Variants in PRKDC observed in about 807,000 individuals in gnomAD.
The protein encoded by PRKDC is DNA-dependent protein kinase catalytic subunit.
In PRKDC, 82 loss-of-function variants were observed where a neutral mutation model predicts 486.9. That is an observed-to-expected ratio of 0.17 (90% confidence interval 0.14 to 0.20). The LOEUF is 0.20. Among genes scored for constraint, PRKDC ranks in the 10% least tolerant of loss-of-function variants. PRKDC has a pLI of 1.00. For missense variants in PRKDC, 4,504 were observed against 5,038.2 expected (o/e 0.89, Z 3.21); for synonymous variants, 1,895 against 1,837.0 (o/e 1.03, Z -0.81).
intron 11 of PRKDC, 34 bp downstream of exon 11, chr8:47,939,517 C>A: frequency 6.3e-7 from 1 of 1,596,818 alleles, no homozygotes; most frequent in Non-Finnish European, 8.6e-7. Context: ...TCACGTGAAA[C>A]CAAGACAAAA....
chr8:47,859,481 A>G, intron 46 of PRKDC, 130 bp downstream of exon 46: 1 of 1,119,004 alleles, frequency 8.9e-7, no homozygotes. Flanking sequence ...AATTCTCCAA[A>G]TTAACTCTAT....
intron 17 of PRKDC, among the ~76,000 whole-genome samples, chr8:47,930,240 A>G (rs1204715812): frequency 1.3e-5 from 2 of 152,230 alleles, no homozygotes; most frequent in Admixed American, 6.5e-5. Context: ...AAAGATCTAT[A>G]TAATCGATTA....
intron 69 of PRKDC, among the ~76,000 whole-genome samples, chr8:47,806,113 C>T (rs1014488010): frequency 3.9e-5 from 6 of 152,330 alleles, no homozygotes; most frequent in Non-Finnish European, 7.3e-5. Context: ...CCAGACACCT[C>T]CCTGTCCAAG....
intron 4 of PRKDC, among the ~76,000 whole-genome samples, chr8:47,954,691 A>G: frequency 6.6e-6 from 1 of 152,174 alleles, no homozygotes. Context: ...ACATCAGGGG[A>G]AGAATGCTCT....
chr8:47,796,669 G>A (rs1589702044), intron 73 of PRKDC, among the ~76,000 whole-genome samples: 1 of 151,326 alleles, frequency 6.6e-6, no homozygotes, highest in Non-Finnish European at 1.5e-5. Flanking sequence ...GCGCCACCTC[G>A]GCTCACTGCA....
intron 73 of PRKDC, among the ~76,000 whole-genome samples, chr8:47,795,494 T>A (rs982772227): frequency 1.5e-4 from 22 of 150,092 alleles, no homozygotes; most frequent in Admixed American, 6.6e-4. Context: ...CGGCCTTTTT[T>A]TTTTTTTTTT....
At chr8:47,910,734 C>T (rs79680201) in intron 25 of PRKDC, among the ~76,000 whole-genome samples, 1,760 of 152,228 alleles carry the variant, frequency 0.012, 33 homozygotes, top group East Asian at 0.079. Flanking sequence ...GGGGAAACGA[C>T]GTTTTTTTCA....
chr8:47,958,658 T>C (rs2090753130), intron 1 of PRKDC, among the ~76,000 whole-genome samples: 1 of 152,176 alleles, frequency 6.6e-6, no homozygotes, highest in African/African-American at 2.4e-5. Context: ...CAATGTTAGT[T>C]TTTTGTTTGA....
At chr8:47,843,916 GAAC>G (rs1205752362) in intron 54 of PRKDC, among the ~76,000 whole-genome samples, 1 of 152,164 alleles carries the variant, frequency 6.6e-6, no homozygotes, top group African/African-American at 2.4e-5. Flanking sequence ...TGAAACAGAA[GAAC>G]AATACCTGCT....
intron 5 of PRKDC, 103 bp downstream of exon 5, chr8:47,954,235 C>T (rs1038754594): frequency 1.2e-4 from 64 of 529,270 alleles, no homozygotes; most frequent in Non-Finnish European, 1.8e-4. Flanking sequence ...AAGTATTCGA[C>T]TGTAAAATAA....
intron 68 of PRKDC, among the ~76,000 whole-genome samples, chr8:47,808,002 G>A (rs1030538588): frequency 3.3e-5 from 5 of 152,120 alleles, no homozygotes; most frequent in Non-Finnish European, 7.3e-5. Context: ...GGGATTACAG[G>A]AGTGAGCTAT....
At chr8:47,850,810 C>T (rs1411292928) in intron 52 of PRKDC, among the ~76,000 whole-genome samples, 2 of 152,096 alleles carry the variant, frequency 1.3e-5, no homozygotes, top group Non-Finnish European at 2.9e-5. Context: ...CTCTTACTGA[C>T]TTCTTTTTAT....
At chr8:47,861,267 A>G (rs560475221) in intron 44 of PRKDC, among the ~76,000 whole-genome samples, 6 of 152,256 alleles carry the variant, frequency 3.9e-5, no homozygotes, top group African/African-American at 1.4e-4. Context: ...GATAAATTCT[A>G]TTTATCTCTG....
At chr8:47,780,155 T>C (rs1171768057) in intron 80 of PRKDC, among the ~76,000 whole-genome samples, 1 of 152,124 alleles carries the variant, frequency 6.6e-6, no homozygotes, top group Admixed American at 6.5e-5. Context: ...CCTCAGGCGA[T>C]CCGCCCACCT....
chr8:47,931,496 GTT>G (rs546905091), intron 16 of PRKDC, among the ~76,000 whole-genome samples: 4 of 144,238 alleles, frequency 2.8e-5, no homozygotes, highest in African/African-American at 5.1e-5. Context: ...CTTTGGGCAA[GTT>G]TTTTTTTTTT....
chr8:47,902,749 C>A lies in PRKDC; in HGVS notation c.3089G>T (p.Gly1030Val), dbSNP rs766879330. ...PVDSTLRDFC[G>V]RCIREFLKWS... Reference sequence around the variant, plus strand: ...TTTAAGGAATTCTCGAATACACCGACCACAAAAATCTCTTAAAGTACTGTC... The same window carrying A: ...TTTAAGGAATTCTCGAATACACCGAACACAAAAATCTCTTAAAGTACTGTC... Residue 1030 changes from glycine (G) to valine (V), a missense_variant, in exon 27 of 86, where the codon GGT becomes GTT. Gly to Val is a moderately radical substitution (Grantham distance 109). This residue lies in a region of PRKDC where 1,969 missense variants were observed against 2,068.9 expected (regional missense o/e 0.95). Coordinates refer to ENST00000314191, the MANE Select transcript of PRKDC (RefSeq NM_006904.7). The A allele has an allele frequency of 3.1e-6, 5 of 1,613,430 alleles. No individual in the cohort carries two copies. In the East Asian group the frequency reaches 1.1e-4, roughly 36 times the overall value.
rs746896619 is a variant in PRKDC, at chr8:47,930,653, T to C, written c.1892+19A>G. The C allele has an allele frequency of 2.0e-6, 3 of 1,536,470 alleles. No individual in the cohort carries two copies. The highest frequency in any genetic ancestry group is 2.8e-5 in the African/African-American group (2 of 72,236). On this transcript the variant is annotated intron_variant, in intron 17 of 85. Transcript: ENST00000314191. The stretch of plus-strand genomic sequence containing the variant: ...AACAATCATTTTCATTCTTAAATAA[T>C]TAGAATTTTACCAAATACCTGCAAA...
chr8:47,909,922 T>C (rs564437314), intron 25 of PRKDC, among the ~76,000 whole-genome samples: 6 of 152,318 alleles, frequency 3.9e-5, no homozygotes, highest in African/African-American at 7.2e-5. Context: ...CAGTGGGACA[T>C]AGGCCCTCAT....
At chr8:47,869,159 T>G (rs2088887443) in intron 40 of PRKDC, among the ~76,000 whole-genome samples, 1 of 152,094 alleles carries the variant, frequency 6.6e-6, no homozygotes, top group African/African-American at 2.4e-5. Context: ...ACAAGTGGAC[T>G]TGGGGGGCAC....
Sources: gnomAD v4.1 joint callset for allele counts (sites outside exome capture counted in the v4.1 genomes callset) on GRCh38, gnomAD v4.1.1 for gene constraint, gnomAD v4.1.1 regional missense constraint, MANE v1.5 for transcripts, NCBI Gene and HGNC (gene_info 2026-07-23, HGNC 2026-07-21) for gene names.